NRG1: variants seen among roughly 807,000 people sequenced by gnomAD.
NRG1 encodes the protein neuregulin 1.
A neutral mutation model predicts 63.8 loss-of-function variants in NRG1; 18 were observed. The ratio of observed to expected loss-of-function variants is 0.28; its 90% CI spans 0.19 to 0.42. The LOEUF is 0.42. NRG1 is among the 10% of genes least tolerant of loss of function. The probability of loss-of-function intolerance (pLI) is 1.00; values close to 1 mark genes in which losing one functional copy is unlikely to be tolerated. For synonymous variants in NRG1, 302 were observed against 301.3 expected, an observed-to-expected ratio of 1.00 and a Z score of -0.02; for missense variants, 762 against 814.7, an observed-to-expected ratio of 0.94 and a Z score of 0.79.
chr8:32,047,468 A>G (rs2130766467), intron 1 of NRG1, among the ~76,000 whole-genome samples: 1 of 152,170 alleles, frequency 6.6e-6, no homozygotes, highest in Middle Eastern at 3.4e-3. Flanking sequence ...TGTCATCTTA[A>G]CTAAGGATAC....
intron 7 of NRG1, chr8:32,748,604 C>T: frequency 2.4e-6 from 1 of 419,306 alleles, no homozygotes; most frequent in Non-Finnish European, 4.7e-6. Flanking sequence ...GGATTGCTGG[C>T]TCTTGGCTCA....
intron 1 of NRG1, among the ~76,000 whole-genome samples, chr8:32,216,754 T>C (rs1452724978): frequency 1.3e-5 from 2 of 151,464 alleles, no homozygotes; most frequent in Non-Finnish European, 2.9e-5. Context: ...ATATATATAA[T>C]ATAATGAGTT....
At chr8:32,230,010 C>T (rs149625868) in intron 1 of NRG1, among the ~76,000 whole-genome samples, 1 of 152,066 alleles carries the variant, frequency 6.6e-6, no homozygotes, top group Non-Finnish European at 1.5e-5. Context: ...AAGCCAAACA[C>T]GCGCCTAAAA....
intron 1 of NRG1, among the ~76,000 whole-genome samples, chr8:32,460,723 G>A (rs550192916): frequency 2.0e-5 from 3 of 152,234 alleles, no homozygotes; most frequent in South Asian, 4.1e-4. Context: ...CAACTTCCAA[G>A]AGCACAATAC....
intron 1 of NRG1, among the ~76,000 whole-genome samples, chr8:31,664,251 C>A (rs909038390): frequency 1.3e-5 from 2 of 152,128 alleles, no homozygotes; most frequent in African/African-American, 2.4e-5. Context: ...AAGGAAGAAG[C>A]TATCAATTAG....
At chr8:32,663,080 CA>C (rs1445098235) in intron 5 of NRG1, among the ~76,000 whole-genome samples, 1 of 152,182 alleles carries the variant, frequency 6.6e-6, no homozygotes, top group Non-Finnish European at 1.5e-5. Flanking sequence ...AATGAAGTCC[CA>C]GGGGGATGTA....
At chr8:32,503,303 A>G (rs1828106151) in intron 1 of NRG1, among the ~76,000 whole-genome samples, 1 of 150,376 alleles carries the variant, frequency 6.6e-6, no homozygotes, top group Admixed American at 6.6e-5. Context: ...AAAAAAAAAA[A>G]AAAAAAAAAA....
chr8:31,739,504 C>T (rs1815046768), intron 1 of NRG1, among the ~76,000 whole-genome samples: 1 of 151,984 alleles, frequency 6.6e-6, no homozygotes. Flanking sequence ...GCAGAGTAGC[C>T]TTTCTGAAAG....
intron 1 of NRG1, among the ~76,000 whole-genome samples, chr8:32,138,017 A>T (rs949000919): frequency 7.2e-5 from 11 of 152,126 alleles, no homozygotes; most frequent in Non-Finnish European, 1.5e-5. Context: ...CTTGGAGTAG[A>T]CAATAGAGGA....
At chr8:31,826,037 TGG>T (rs879647290) in intron 1 of NRG1, among the ~76,000 whole-genome samples, 1 of 152,174 alleles carries the variant, frequency 6.6e-6, no homozygotes, top group Non-Finnish European at 1.5e-5. Flanking sequence ...TGAGACTTCT[TGG>T]ATTAACCCCA....
chr8:32,273,042 C>T (rs1041443365), intron 1 of NRG1, among the ~76,000 whole-genome samples: 4 of 152,130 alleles, frequency 2.6e-5, no homozygotes, highest in Admixed American at 2.6e-4. Flanking sequence ...AATTTGTATT[C>T]ATTTCTCCAT....
At chr8:31,879,546 A>AT (rs1437874486) in intron 1 of NRG1, among the ~76,000 whole-genome samples, 1 of 152,066 alleles carries the variant, frequency 6.6e-6, no homozygotes, top group Admixed American at 6.6e-5. Context: ...GGTAGAGAGC[A>AT]TTTTTTTAAT....
At chr8:32,045,080 A>C (rs1820796065) in intron 1 of NRG1, among the ~76,000 whole-genome samples, 1 of 151,854 alleles carries the variant, frequency 6.6e-6, no homozygotes, top group Non-Finnish European at 1.5e-5. Context: ...TGCAAGACTG[A>C]CAGGAACAAA....
At chr8:31,972,507 AT>A (rs1463729113) in intron 1 of NRG1, among the ~76,000 whole-genome samples, 1 of 151,882 alleles carries the variant, frequency 6.6e-6, no homozygotes, top group Non-Finnish European at 1.5e-5. Context: ...CTCGCTTACT[AT>A]TTCACCTCTT....
At chr8:32,622,918 T>A (rs1054885296) in intron 5 of NRG1, among the ~76,000 whole-genome samples, 24 of 152,184 alleles carry the variant, frequency 1.6e-4, no homozygotes, top group African/African-American at 5.5e-4. Context: ...GAAAATGCCC[T>A]TATTGTTGGA....
chr8:32,026,436 C>G (rs914764035), intron 1 of NRG1: 1 of 152,000 alleles, frequency 6.6e-6, no homozygotes. Context: ...AATTATTTTC[C>G]TACTTGACAA....
chr8:32,503,288 G>GAAAAAA (rs60857610), intron 1 of NRG1, among the ~76,000 whole-genome samples: 775 of 54,902 alleles, frequency 0.014, 45 homozygotes, highest in Non-Finnish European at 0.021. Flanking sequence ...CTCTGTCTCA[G>GAAAAAA]AAAAAAAAAA....
chr8:32,558,782 A>G (rs1835708821), intron 1 of NRG1, among the ~76,000 whole-genome samples: 1 of 152,118 alleles, frequency 6.6e-6, no homozygotes, highest in African/African-American at 2.4e-5. Flanking sequence ...GCTCTGGAGC[A>G]ATGTAAGTTA....
intron 1 of NRG1, among the ~76,000 whole-genome samples, chr8:32,214,533 C>A (rs1037232760): frequency 1.3e-5 from 2 of 151,648 alleles, no homozygotes; most frequent in Non-Finnish European, 2.9e-5. Flanking sequence ...GTCCCAGATA[C>A]TTGGGAGGCT....
Sources: allele counts gnomAD v4.1 joint callset (sites outside exome capture counted in the v4.1 genomes callset), GRCh38; gene constraint gnomAD v4.1.1; transcripts MANE v1.5; gene names NCBI Gene and HGNC (gene_info 2026-07-23, HGNC 2026-07-21).